The following AMPH variants were observed in gnomAD, a reference collection of about 807,000 sequenced individuals.
The protein encoded by AMPH is amphiphysin (Stiff-Mann syndrome with breast cancer 128kD autoantigen).
Under a neutral mutation model 99.1 loss-of-function variants are expected in AMPH, and 49 were observed. The observed-to-expected ratio is 0.49, with a 90% confidence interval of 0.39 to 0.63. The LOEUF is 0.63. Among genes scored for constraint, AMPH ranks in the 20% least tolerant of loss-of-function variants. AMPH has a pLI of 0.00. For synonymous variants in AMPH, 314 were observed against 317.3 expected, an observed-to-expected ratio of 0.99 and a Z score of 0.11; for missense variants, 759 against 863.4, an observed-to-expected ratio of 0.88 and a Z score of 1.52.
At chr7:38,623,778 C>CA (rs1264350739) in intron 1 of AMPH, among the ~76,000 whole-genome samples, 1 of 152,096 alleles carries the variant, frequency 6.6e-6, no homozygotes, top group East Asian at 1.9e-4. Context: ...TCCTTGAGAA[C>CA]AAAAAATGCA....
chr7:38,517,682 T>A (rs1789801373), intron 2 of AMPH, among the ~76,000 whole-genome samples: 1 of 152,190 alleles, frequency 6.6e-6, no homozygotes, highest in Non-Finnish European at 1.5e-5. Flanking sequence ...CAACTACATA[T>A]AGTGGAATGC....
At chr7:38,536,845 G>T (rs1790624744) in intron 1 of AMPH, among the ~76,000 whole-genome samples, 1 of 151,842 alleles carries the variant, frequency 6.6e-6, no homozygotes, top group Non-Finnish European at 1.5e-5. Context: ...CTGCATTTTT[G>T]GAAGAATAGG....
intron 11 of AMPH, among the ~76,000 whole-genome samples, chr7:38,451,366 A>ACATG (rs1787018853): frequency 2.7e-5 from 4 of 149,866 alleles, no homozygotes; most frequent in Admixed American, 1.3e-4. Flanking sequence ...ACACGTATAT[A>ACATG]TATGTGTATA....
chr7:38,524,944 C>G (rs115628591), intron 2 of AMPH, among the ~76,000 whole-genome samples: 1 of 152,108 alleles, frequency 6.6e-6, no homozygotes, highest in African/African-American at 2.4e-5. Flanking sequence ...CTTGCCTACT[C>G]AGCTTGTTTA....
At chr7:38,433,744 A>AAAAAAAAAAAAAAAAAAG (rs1562751901) in intron 12 of AMPH, among the ~76,000 whole-genome samples, 1 of 147,498 alleles carries the variant, frequency 6.8e-6, no homozygotes, top group African/African-American at 2.6e-5. Context: ...AAAAAAAAAA[A>AAAAAAAAAAAAAAAAAAG]AAGAATCAAA....
rs34570683 is a variant in AMPH at position 38,570,704 on chromosome 7, TA to T, written c.70-35694del. Reference sequence around the variant, plus strand: ...ATCATTAGGGTGAATTCCCATCGATTAAAAAAAAATAACTGTAAGTCAGCCT... The same window carrying T: ...ATCATTAGGGTGAATTCCCATCGATTAAAAAAAATAACTGTAAGTCAGCCT... On this transcript the variant is annotated intron_variant, in intron 1 of 20. Coordinates refer to ENST00000356264, the MANE Select transcript of AMPH (RefSeq NM_001635.4). Among the ~76,000 whole-genome samples the T allele has an allele frequency of 1.6e-3, 230 of 148,054 alleles. 1 individual carries two copies. Among genetic ancestry groups the T allele is most frequent in the African/African-American group, 5.6e-3 (225 of 40,314 alleles).
At chr7:38,469,508 T>G (rs1213321716) in intron 7 of AMPH, among the ~76,000 whole-genome samples, 1 of 152,168 alleles carries the variant, frequency 6.6e-6, no homozygotes, top group Non-Finnish European at 1.5e-5. Flanking sequence ...CCTCTTGCAG[T>G]GGAGGAGGCA....
chr7:38,450,291 T>C (rs1265436428), intron 11 of AMPH, among the ~76,000 whole-genome samples: 1 of 152,212 alleles, frequency 6.6e-6, no homozygotes, highest in Non-Finnish European at 1.5e-5. Flanking sequence ...GTATCTGCTA[T>C]GAAAAAATCC....
At chr7:38,397,115 G>A (rs1328109769) in intron 17 of AMPH, among the ~76,000 whole-genome samples, 1 of 152,218 alleles carries the variant, frequency 6.6e-6, no homozygotes, top group African/African-American at 2.4e-5. Flanking sequence ...ACACACACAT[G>A]CAGCAGAGGC....
chr7:38,557,413 C>T (rs1791405280), intron 1 of AMPH, among the ~76,000 whole-genome samples: 1 of 150,918 alleles, frequency 6.6e-6, no homozygotes, highest in Admixed American at 6.8e-5. Context: ...CCCACTATCC[C>T]TGTTCTCATT....
chr7:38,411,077 T>C (rs1359415953), intron 17 of AMPH, among the ~76,000 whole-genome samples: 2 of 152,234 alleles, frequency 1.3e-5, no homozygotes, highest in African/African-American at 4.8e-5. Context: ...AGCTATGGCT[T>C]AAAATACCAG....
In AMPH at chr7:38,620,334, ATATGTG is replaced by A. The variant is rs1393243884; in HGVS notation, c.69+10943_69+10948del. Among the ~76,000 whole-genome samples, 9 of 86,286 alleles carry A rather than the reference ATATGTG, an allele frequency of 1.0e-4. No individual in the cohort carries two copies. In the East Asian group the frequency reaches 1.3e-3, roughly 13 times the overall value. 56.6% of individuals were successfully genotyped at this position (86,286 alleles called of 152,430 possible). ...ATATACCAATTCATTGGAGATATATATATGTGTGTGTGTGTGTGTGTGTGTGTGTCT... is the reference window on the plus strand; with the variant it reads ...ATATACCAATTCATTGGAGATATATATGTGTGTGTGTGTGTGTGTGTGTCT... On this transcript the variant is annotated intron_variant, in intron 1 of 20. Coordinates refer to ENST00000356264, the MANE Select transcript of AMPH (RefSeq NM_001635.4).
chr7:38,425,436 T>G (rs1298769594), intron 15 of AMPH, among the ~76,000 whole-genome samples: 1 of 152,222 alleles, frequency 6.6e-6, no homozygotes, highest in Admixed American at 6.5e-5. Flanking sequence ...CCTAGAAAAC[T>G]AAGCATATCA....
intron 5 of AMPH, among the ~76,000 whole-genome samples, chr7:38,484,308 G>C (rs756371728): frequency 6.6e-6 from 1 of 151,992 alleles, no homozygotes; most frequent in Non-Finnish European, 1.5e-5. Flanking sequence ...TCTACACAGG[G>C]ACACATTATA....
chr7:38,432,623 C>CA (rs200068673), intron 12 of AMPH, among the ~76,000 whole-genome samples: 1 of 144,540 alleles, frequency 6.9e-6, no homozygotes, highest in Non-Finnish European at 1.5e-5. Context: ...CACACACACA[C>CA]CTCATTAAAA....
chr7:38,482,736 T>C (rs910031620), intron 5 of AMPH, among the ~76,000 whole-genome samples: 3 of 152,138 alleles, frequency 2.0e-5, no homozygotes, highest in African/African-American at 7.2e-5. Flanking sequence ...ATATATCATA[T>C]GAATAATTTG....
intron 17 of AMPH, among the ~76,000 whole-genome samples, chr7:38,400,762 TCTGACCAATGC>T (rs1784818940): frequency 6.6e-6 from 1 of 152,230 alleles, no homozygotes; most frequent in East Asian, 1.9e-4. Context: ...TGATATTAGC[TCTGACCAATGC>T]CTGAAAGTAG....
chr7:38,486,543 T>C (rs1229897025), intron 5 of AMPH, among the ~76,000 whole-genome samples: 1 of 152,068 alleles, frequency 6.6e-6, no homozygotes, highest in Non-Finnish European at 1.5e-5. Context: ...CTCAAGCTCT[T>C]CCAAAAAGAT....
At chr7:38,412,051 G>T (rs1036506538) in intron 17 of AMPH, among the ~76,000 whole-genome samples, 1 of 152,094 alleles carries the variant, frequency 6.6e-6, no homozygotes, top group African/African-American at 2.4e-5. Flanking sequence ...TAAATCCATA[G>T]CACATTGGCA....
Sources: gnomAD v4.1 joint callset for allele counts (sites outside exome capture counted in the v4.1 genomes callset) on GRCh38, gnomAD v4.1.1 for gene constraint, MANE v1.5 for transcripts, NCBI Gene and HGNC (gene_info 2026-07-23, HGNC 2026-07-21) for gene names.